TG: variants seen among roughly 807,000 people sequenced by gnomAD.
TG encodes thyroglobulin, also known as thyroid hormones.
A neutral mutation model predicts 324.7 loss-of-function variants in TG; 270 were observed. The ratio of observed to expected loss-of-function variants is 0.83; its 90% CI spans 0.75 to 0.92. TG has a LOEUF of 0.92. TG is among the 40% of genes least tolerant of loss of function. The pLI, the probability that TG is intolerant of heterozygous loss-of-function variation, is 0.00. For synonymous variants in TG, 1,401 were observed against 1,327.0 expected (o/e 1.06, Z -1.21); for missense variants, 3,591 against 3,456.4 (o/e 1.04, Z -0.98).
At chr8:133,112,850 G>T (rs1850373614) in intron 43 of TG, among the ~76,000 whole-genome samples, 1 of 152,146 alleles carries the variant, frequency 6.6e-6, no homozygotes, top group African/African-American at 2.4e-5. Flanking sequence ...TAGAACGTGA[G>T]CCCCAAGAGA....
intron 23 of TG, among the ~76,000 whole-genome samples, chr8:132,932,124 T>TG (rs369218847): frequency 0.017 from 2,553 of 150,682 alleles, 64 homozygotes; most frequent in African/African-American, 0.055. Context: ...ATTATTTTTT[T>TG]GGGGGGGGTG....
intron 41 of TG, among the ~76,000 whole-genome samples, chr8:133,078,987 G>A (rs1845328539): frequency 6.6e-6 from 1 of 152,180 alleles, no homozygotes; most frequent in African/African-American, 2.4e-5. Flanking sequence ...AACCTCTAGG[G>A]CTCCTGGTTT....
intron 8 of TG, 94 bp from the exon 9 acceptor site, chr8:132,886,354 T>G: frequency 2.6e-6 from 4 of 1,540,460 alleles, no homozygotes; most frequent in Non-Finnish European, 3.6e-6. Flanking sequence ...GATTGAATGT[T>G]CTGGCTTCTT....
At position 132,886,463 on chromosome 8, in the gene TG, G is replaced by T. The variant is rs1234577305; in HGVS notation, c.1091G>T (p.Cys364Phe). 1 of 1,614,014 alleles carries T rather than the reference G, an allele frequency of 6.2e-7. No individual in the cohort carries two copies. Among genetic ancestry groups the T allele is most frequent in the African/African-American group, 1.3e-5 (1 of 74,918 alleles). ...TCTCATGCAGCTGAAGGCCAATCTT[G>T]TGCCTCCGAAAGGCAGCAGGCCTTG... ...EPPSCAEGQS[C>F]ASERQQALSR... The change falls in exon 9 of 48, where the codon TGT (cysteine) becomes TTT (phenylalanine). Residue 364 changes from cysteine to phenylalanine, a missense_variant. Cys to Phe is a radical substitution (Grantham distance 205). Coordinates refer to ENST00000220616, the MANE Select transcript of TG (RefSeq NM_003235.5).
chr8:132,879,588 G>C (rs542516446), intron 5 of TG, among the ~76,000 whole-genome samples: 1 of 152,230 alleles, frequency 6.6e-6, no homozygotes, highest in Non-Finnish European at 1.5e-5. Context: ...TTAGCAAGAA[G>C]GGATTAAAGA....
intron 41 of TG, among the ~76,000 whole-genome samples, chr8:133,052,851 G>A (rs1840670283): frequency 6.6e-6 from 1 of 152,248 alleles, no homozygotes; most frequent in Admixed American, 6.5e-5. Flanking sequence ...AGCTGAGGCT[G>A]ACTTTGCCAC....
At chr8:132,891,710 T>C (rs1198525131) in intron 10 of TG, among the ~76,000 whole-genome samples, 1 of 152,240 alleles carries the variant, frequency 6.6e-6, no homozygotes, top group Non-Finnish European at 1.5e-5. Flanking sequence ...TAGAGCAAGC[T>C]GAGGTTTTTA....
chr8:132,923,518 G>C lies in TG; in HGVS notation c.4699+10G>C. On this transcript the variant is annotated intron_variant, in intron 22 of 47. Coordinates refer to ENST00000220616, the MANE Select transcript of TG (RefSeq NM_003235.5). ...GACTCACAGTGTTTGAGTAGGTGCT[G>C]GGGGTGAAATCAGTCATGGTTCCTG... is the stretch of plus-strand genomic sequence containing the variant. 1 of 1,611,888 alleles carries C rather than the reference G, an allele frequency of 6.2e-7. No homozygotes were observed. Among genetic ancestry groups the C allele is most frequent in the Non-Finnish European group, 8.5e-7 (1 of 1,178,222 alleles).
Position 132,888,358 on chromosome 8 carries a change from G to A in TG, c.2551G>A (p.Glu851Lys), listed in dbSNP as rs114319441. The A allele has an allele frequency of 1.2e-6, 2 of 1,614,184 alleles. No homozygotes were observed. The highest frequency in any genetic ancestry group is 1.3e-5 in the African/African-American group (1 of 75,038). Residue 851 changes from glutamate to lysine, a missense_variant, in exon 10 of 48, where the codon GAA becomes AAA. Physicochemically the swap from Glu to Lys is moderately conservative, Grantham distance 56. Transcript: ENST00000220616. ...GCAAGATGTCCCACTAGCAGCACTG[G>A]AAGGGAAACGGCCCCAGCCCAGGGA... ...SLQDVPLAAL[E>K]GKRPQPRENI...
At chr8:133,126,801 A>C (rs1222744300) in intron 45 of TG, among the ~76,000 whole-genome samples, 2 of 152,068 alleles carry the variant, frequency 1.3e-5, no homozygotes, top group Non-Finnish European at 1.5e-5. Flanking sequence ...CTAAAAAAAA[A>C]AACAAAAAAA....
At chr8:133,106,588 C>T (rs1283609805) in intron 43 of TG, 2 of 354,912 alleles carry the variant, frequency 5.6e-6, no homozygotes, top group African/African-American at 4.4e-5. Flanking sequence ...CCCCCTCACC[C>T]AGCTGTCCGC....
rs751775674 is a variant in TG, at chr8:133,116,626, G to A, written c.7772G>A (p.Cys2591Tyr). The A allele has an allele frequency of 1.9e-6, 3 of 1,614,208 alleles. No homozygotes were observed. Among genetic ancestry groups the A allele is most frequent in the South Asian group, 2.2e-5 (2 of 91,088 alleles). ...ENATRDYFII[C>Y]PIIDMASAWA... ...TTCACCAGGGACTACTTTATCATCT[G>A]CCCTATAATCGACATGGCCAGTGCC... Residue 2591 changes from cysteine (C) to tyrosine (Y), a missense_variant, in exon 45 of 48, where the codon TGC becomes TAC. Physicochemically the swap from Cys to Tyr is radical, Grantham distance 194. Transcript: ENST00000220616.
chr8:133,071,241 C>T (rs1046892553), intron 41 of TG, among the ~76,000 whole-genome samples: 1 of 152,168 alleles, frequency 6.6e-6, no homozygotes, highest in Non-Finnish European at 1.5e-5. Context: ...CTGGAGTATG[C>T]ATCATTACGC....
chr8:133,094,103 C>A (rs994752430), intron 41 of TG, among the ~76,000 whole-genome samples: 4 of 152,164 alleles, frequency 2.6e-5, no homozygotes, highest in African/African-American at 9.7e-5. Flanking sequence ...TGGAACTGCA[C>A]ACTGGTCAGG....
Position 132,878,003 on chromosome 8 carries a change from G to A in TG, c.639-3860G>A, listed in dbSNP as rs572565476. 3.3e-5 allele frequency among the ~76,000 whole-genome samples: 5 copies of A among 152,222 alleles called. 1 individual carries two copies. The South Asian group carries it at 1.0e-3, about 32-fold the overall frequency. On this transcript the variant is annotated intron_variant, in intron 5 of 47. Coordinates refer to ENST00000220616, the MANE Select transcript of TG (RefSeq NM_003235.5). ...TCATGAGGAAGGCAAAATAAAAGTA[G>A]AAAATCAGAATAAGGCAAGGCAAAG...
intron 41 of TG, chr8:133,051,001 A>T (rs1840308780): frequency 1.3e-6 from 1 of 752,724 alleles, no homozygotes; most frequent in Admixed American, 2.2e-5. Flanking sequence ...GGAGGGTATG[A>T]AGATGAGATT....
chr8:132,961,938 C>T (rs983618114), intron 28 of TG, among the ~76,000 whole-genome samples: 1 of 152,168 alleles, frequency 6.6e-6, no homozygotes, highest in African/African-American at 2.4e-5. Flanking sequence ...CTATCAATCC[C>T]CATTCATGTG....
chr8:133,028,791 A>G (rs1334680018), intron 40 of TG, among the ~76,000 whole-genome samples: 1 of 152,240 alleles, frequency 6.6e-6, no homozygotes, highest in Non-Finnish European at 1.5e-5. Flanking sequence ...CTGGGGAATC[A>G]GGATGCAAGA....
At position 132,949,378 on chromosome 8, in the gene TG, C is replaced by T. The variant is rs370184040; in HGVS notation, c.5401+435C>T. 1.3e-3 allele frequency among the ~76,000 whole-genome samples: 199 copies of T among 152,314 alleles called. 1 individual carries two copies. The highest frequency in any genetic ancestry group is 4.6e-3 in the African/African-American group (191 of 41,570). ...CTGTTGGTGGAGCTCAGATCTGTCA[C>T]GTTACCATTTCTGCCTCATCCTATT... On this transcript the variant is annotated intron_variant, in intron 27 of 47. Transcript: ENST00000220616.
Sources: allele counts gnomAD v4.1 joint callset (sites outside exome capture counted in the v4.1 genomes callset), GRCh38; gene constraint gnomAD v4.1.1; transcripts MANE v1.5; gene names NCBI Gene and HGNC (gene_info 2026-07-23, HGNC 2026-07-21).